ALPK1: variants seen among roughly 807,000 people sequenced by gnomAD.
ALPK1 encodes alpha kinase 1, also known as alpha-protein kinase 1.
ALPK1 carries 110 observed loss-of-function variants against 120.6 expected under a neutral mutation model. The ratio of observed to expected loss-of-function variants is 0.91; its 90% CI spans 0.78 to 1.07. ALPK1 has a LOEUF of 1.07. ALPK1 is among the 50% of genes least tolerant of loss of function. The probability of loss-of-function intolerance (pLI) is 0.00; values close to 1 mark genes in which losing one functional copy is unlikely to be tolerated. For missense variants in ALPK1, 1,498 were observed against 1,483.9 expected, an observed-to-expected ratio of 1.01 and a Z score of -0.16; for synonymous variants, 582 against 560.3, an observed-to-expected ratio of 1.04 and a Z score of -0.55.
Position 112,357,018 on chromosome 4 carries a change from C to T in ALPK1, c.-100-20660C>T, listed in dbSNP as rs1455504154. The T allele has an allele frequency of 2.3e-5, 18 of 789,328 alleles. No homozygotes were observed. The Admixed American group carries it at 2.3e-4, about 10-fold the overall frequency. 48.9% of individuals were successfully genotyped at this position (789,328 alleles called of 1,614,324 possible). On this transcript the variant is annotated intron_variant, in intron 2 of 15. Coordinates refer to ENST00000650871, the MANE Select transcript of ALPK1 (RefSeq NM_025144.4). ...GTGGCACAGCAGGGCCAGCCCCAACCGGAGTTCAGCGCGGACCCCACCAGC... is the reference window on the plus strand; with the variant it reads ...GTGGCACAGCAGGGCCAGCCCCAACTGGAGTTCAGCGCGGACCCCACCAGC...
chr4:112,356,456 C>T (rs1017484114), intron 2 of ALPK1: 2 of 945,146 alleles, frequency 2.1e-6, no homozygotes, highest in Non-Finnish European at 3.5e-6. Context: ...TCCCAAAGAT[C>T]ATTTACGCCT....
intron 2 of ALPK1, chr4:112,359,719 G>A: frequency 3.6e-6 from 1 of 279,308 alleles, no homozygotes; most frequent in South Asian, 3.6e-5. Flanking sequence ...CTTTCCCACG[G>A]GCATGCAGTA....
At chr4:112,424,461 G>T (rs1047046566) in intron 6 of ALPK1, among the ~76,000 whole-genome samples, 7 of 152,262 alleles carry the variant, frequency 4.6e-5, no homozygotes, top group African/African-American at 1.7e-4. Context: ...GTTTCAAAAT[G>T]GATTTTCTTT....
intron 2 of ALPK1, among the ~76,000 whole-genome samples, chr4:112,324,341 G>GCA (rs1560636919): frequency 4.2e-5 from 6 of 144,156 alleles, no homozygotes; most frequent in Admixed American, 1.4e-4. Context: ...AAAAAAAAAA[G>GCA]AAAAAAAAAA....
intron 3 of ALPK1, 31 bp from the exon 4 acceptor site, chr4:112,382,367 A>T (rs748612936): frequency 6.3e-7 from 1 of 1,595,480 alleles, no homozygotes; most frequent in Non-Finnish European, 8.5e-7. Context: ...CTTTGACTGC[A>T]ATTTCCTTAC....
At chr4:112,397,272 G>A (rs1001806593) in intron 4 of ALPK1, among the ~76,000 whole-genome samples, 1 of 152,186 alleles carries the variant, frequency 6.6e-6, no homozygotes, top group Middle Eastern at 3.2e-3. Flanking sequence ...TTCCACGTAT[G>A]TGTGTAATCT....
At chr4:112,358,771 C>G (rs917542141) in intron 2 of ALPK1, 1 of 816,268 alleles carries the variant, frequency 1.2e-6, no homozygotes, top group African/African-American at 1.7e-5. Flanking sequence ...CAGATGAACA[C>G]GGCCAAGCTC....
chr4:112,423,592 C>T (rs968267145), intron 5 of ALPK1: 4 of 400,776 alleles, frequency 1.0e-5, no homozygotes, highest in African/African-American at 8.3e-5. Flanking sequence ...CCACGGGCAA[C>T]TCTATTCCAC....
chr4:112,307,351 T>C (rs1032244906), intron 1 of ALPK1, among the ~76,000 whole-genome samples: 5 of 152,162 alleles, frequency 3.3e-5, no homozygotes, highest in African/African-American at 9.7e-5. Flanking sequence ...GACAGTGGGG[T>C]GTTAAACTCT....
At position 112,399,021 on chromosome 4, in the gene ALPK1, G is replaced by A. The variant is rs141890079; in HGVS notation, c.277-12806G>A. Among the ~76,000 whole-genome samples, 277 of 152,290 alleles carry A rather than the reference G, an allele frequency of 1.8e-3. 2 individuals are homozygous for A. Among genetic ancestry groups the A allele is most frequent in the Non-Finnish European group, 3.1e-3 (211 of 68,026 alleles). On this transcript the variant is annotated intron_variant, in intron 4 of 15. Transcript: ENST00000650871. ...TAGAGTTCTGCTTTAAACATGATGA[G>A]TTTGAGATCCTGACATCCAACTTGG...
At chr4:112,424,301 C>T (rs1462245212) in intron 6 of ALPK1, among the ~76,000 whole-genome samples, 4 of 151,998 alleles carry the variant, frequency 2.6e-5, no homozygotes, top group African/African-American at 9.7e-5. Flanking sequence ...ACTCAGTGGG[C>T]CTTAGAAAGG....
chr4:112,338,307 C>G (rs1189763850), intron 2 of ALPK1, among the ~76,000 whole-genome samples: 1 of 152,120 alleles, frequency 6.6e-6, no homozygotes, highest in Non-Finnish European at 1.5e-5. Context: ...AATGTTTTTT[C>G]CCCTAGGAAA....
intron 14 of ALPK1, 94 bp downstream of exon 14, chr4:112,439,966 TC>T: frequency 9.1e-7 from 1 of 1,103,852 alleles, no homozygotes; most frequent in Non-Finnish European, 1.3e-6. Flanking sequence ...AATAGATTGT[TC>T]CATGTATAGG....
At chr4:112,315,177 C>T (rs534764951) in intron 1 of ALPK1, among the ~76,000 whole-genome samples, 27 of 152,182 alleles carry the variant, frequency 1.8e-4, no homozygotes, top group Admixed American at 1.4e-3. Flanking sequence ...ACACTGTGCC[C>T]GGCCACATTG....
chr4:112,411,776 A>G (rs1374635120), intron 4 of ALPK1, 51 bp from the exon 5 acceptor site: 2 of 1,548,462 alleles, frequency 1.3e-6, no homozygotes, highest in Non-Finnish European at 1.8e-6. Flanking sequence ...CCTGGCCCTC[A>G]GCCTGCCAGC....
Position 112,382,571 on chromosome 4 carries a change from C to A in ALPK1, c.276+19C>A. On this transcript the variant is annotated intron_variant, in intron 4 of 15. Coordinates refer to ENST00000650871, the MANE Select transcript of ALPK1 (RefSeq NM_025144.4). The stretch of plus-strand genomic sequence containing the variant: ...GTTACTGGTAGGAAGAGCCACACCA[C>A]CTGTTCCTCTGATATCCCCAAGTGA... 6.2e-7 allele frequency: 1 copy of A among 1,614,130 alleles called. No homozygotes were observed. Among genetic ancestry groups the A allele is most frequent in the Non-Finnish European group, 8.5e-7 (1 of 1,179,984 alleles).
chr4:112,368,437 G>A (rs978705492), intron 2 of ALPK1, among the ~76,000 whole-genome samples: 2 of 151,890 alleles, frequency 1.3e-5, no homozygotes, highest in Admixed American at 1.3e-4. Context: ...AAGTCTTTGT[G>A]GGTCTGATTT....
chr4:112,358,080 C>A, intron 2 of ALPK1: 1 of 582,688 alleles, frequency 1.7e-6, no homozygotes, highest in Non-Finnish European at 3.3e-6. Flanking sequence ...GCATGGACCC[C>A]CTGGTTGTCC....
chr4:112,430,843 T>G lies in ALPK1; in HGVS notation c.1296T>G (p.Tyr432Ter). Residue 432 changes from tyrosine (Y) to a stop codon, truncating the protein, a stop_gained, in exon 11 of 16, where the codon TAT (tyrosine) becomes TAG (stop). Coordinates refer to ENST00000650871, the MANE Select transcript of ALPK1 (RefSeq NM_025144.4). LOFTEE classifies it high-confidence loss of function. ...TCTCAAATGTAGATGACAGATCTTA[T>G]GTTCCCGAGAGTTTCGAGTGCAGGT... ...QSFSNVDDRS[Y>*]VPESFECRLD... 6.2e-7 allele frequency: 1 copy of G among 1,614,196 alleles called. No homozygotes were observed. The highest frequency in any genetic ancestry group is 8.5e-7 in the Non-Finnish European group (1 of 1,179,992).
Sources: allele counts gnomAD v4.1 joint callset (sites outside exome capture counted in the v4.1 genomes callset), GRCh38; gene constraint gnomAD v4.1.1; transcripts MANE v1.5; gene names NCBI Gene and HGNC (gene_info 2026-07-23, HGNC 2026-07-21).